JADE3: variants seen among roughly 807,000 people sequenced by gnomAD.
JADE3 encodes the protein protein Jade-3.
JADE3 carries 2 observed loss-of-function variants against 50.1 expected under a neutral mutation model. The observed-to-expected ratio is 0.04, with a 90% CI of 0.02 to 0.13. The LOEUF is 0.13. Ranked by LOEUF, JADE3 falls within the 10% of genes least tolerant of loss-of-function variation. The pLI is 1.00. For synonymous variants in JADE3, 218 were observed against 232.9 expected, an observed-to-expected ratio of 0.94 and a Z score of 0.58; for missense variants, 475 against 634.4, an observed-to-expected ratio of 0.75 and a Z score of 2.70.
intron 7 of JADE3, among the ~76,000 whole-genome samples, chrX:47,034,961 C>T (rs1423862531): frequency 9.0e-6 from 1 of 110,731 alleles, no homozygotes; most frequent in Non-Finnish European, 1.9e-5. Flanking sequence ...CACTCAACAC[C>T]TGCCAAAGAC....
intron 7 of JADE3, among the ~76,000 whole-genome samples, chrX:47,037,236 G>T (rs782211283): frequency 9.0e-6 from 1 of 111,208 alleles, no homozygotes; most frequent in Non-Finnish European, 1.9e-5. Context: ...TGGTTTTAAA[G>T]ACTTTTGTTT....
chrX:47,024,955 GT>G (rs200351831), intron 5 of JADE3, 41 bp downstream of exon 5: 1,644 of 705,113 alleles, frequency 2.3e-3, no homozygotes, highest in South Asian at 3.2e-3. Flanking sequence ...CTTAATTCAT[GT>G]TTTTTTTTTA....
intron 1 of JADE3, among the ~76,000 whole-genome samples, chrX:46,952,871 G>T (rs1927037091): frequency 9.0e-6 from 1 of 110,776 alleles, no homozygotes; most frequent in South Asian, 3.9e-4. Context: ...GGTGGTGTGT[G>T]CCTGTAATCC....
At chrX:46,980,128 C>T (rs1293325862) in intron 1 of JADE3, among the ~76,000 whole-genome samples, 1 of 109,992 alleles carries the variant, frequency 9.1e-6, no homozygotes, top group African/African-American at 3.3e-5. Flanking sequence ...GATCCGTCCG[C>T]CTTAGCCTCC....
At chrX:46,954,847 A>G (rs1438034841) in intron 1 of JADE3, among the ~76,000 whole-genome samples, 8 of 111,865 alleles carry the variant, frequency 7.2e-5, no homozygotes, top group Non-Finnish European at 1.3e-4. Context: ...GAGCCACCGC[A>G]CCCAGCCAGA....
At chrX:47,034,426 A>G (rs1260658768) in intron 7 of JADE3, among the ~76,000 whole-genome samples, 4 of 110,873 alleles carry the variant, frequency 3.6e-5, no homozygotes, top group Non-Finnish European at 7.6e-5. Context: ...GTTGTGGTGT[A>G]TATCAATAGT....
At chrX:46,935,070 A>G (rs370233397) in intron 1 of JADE3, among the ~76,000 whole-genome samples, 4 of 110,756 alleles carry the variant, frequency 3.6e-5, no homozygotes, top group East Asian at 5.7e-4. Flanking sequence ...AGTAGCTGGT[A>G]TTATAGGTGC....
intron 8 of JADE3, among the ~76,000 whole-genome samples, chrX:47,039,910 T>C (rs145193949): frequency 7.1e-4 from 79 of 111,796 alleles, no homozygotes; most frequent in African/African-American, 2.4e-3. Flanking sequence ...AACCCTCAAG[T>C]AGGCCCCAAT....
At chrX:46,942,959 TC>T (rs1926797124) in intron 1 of JADE3, among the ~76,000 whole-genome samples, 1 of 111,943 alleles carries the variant, frequency 8.9e-6, no homozygotes, top group Admixed American at 9.5e-5. Flanking sequence ...TTTTTGTGTG[TC>T]TGGCTATTGT....
intron 1 of JADE3, among the ~76,000 whole-genome samples, chrX:46,950,455 A>G (rs1474904365): frequency 1.8e-5 from 2 of 112,511 alleles, no homozygotes; most frequent in East Asian, 2.8e-4. Flanking sequence ...GTGGTGGTAC[A>G]ACATATCAAT....
At chrX:47,000,641 C>T (rs1928259667) in intron 4 of JADE3, among the ~76,000 whole-genome samples, 1 of 111,523 alleles carries the variant, frequency 9.0e-6, no homozygotes, top group East Asian at 2.8e-4. Context: ...CAACCTCCGC[C>T]TCCTGAGTTC....
chrX:46,960,509 A>G lies in JADE3; in HGVS notation c.-11-24375A>G, dbSNP rs145588760. 4.5e-3 allele frequency among the ~76,000 whole-genome samples: 501 copies of G among 112,161 alleles called. 1 individual carries two copies. Among genetic ancestry groups the G allele is most frequent in the African/African-American group, 0.015 (467 of 30,895 alleles). The stretch of plus-strand genomic sequence containing the variant: ...GTCACCAATAAAAACCCTGGGGCAG[A>G]GTCTCTAGTGGGCTTCCCTAGTAGA... On this transcript the variant is annotated intron_variant, in intron 1 of 10. Coordinates refer to ENST00000614628, the MANE Select transcript of JADE3 (RefSeq NM_014735.5).
chrX:46,998,400 C>A, intron 4 of JADE3, 123 bp downstream of exon 4: 1 of 587,339 alleles, frequency 1.7e-6, no homozygotes, highest in Non-Finnish European at 2.7e-6. Flanking sequence ...CCATTTTCAC[C>A]AATTCACTCA....
chrX:47,053,805 G>A (rs1484495888), intron 8 of JADE3, among the ~76,000 whole-genome samples: 2 of 112,134 alleles, frequency 1.8e-5, no homozygotes, highest in Non-Finnish European at 3.8e-5. Context: ...TATAGGTACA[G>A]TGTGAAAAGT....
Position 47,004,214 on chromosome X carries a change from G to A in JADE3, c.284+5937G>A, listed in dbSNP as rs112753053. ...GTGCTGGGATTACAGGCAGGAGCCA[G>A]TGCACCCAACCTCTCATGATATTTA... On this transcript the variant is annotated intron_variant, in intron 4 of 10. Transcript: ENST00000614628. 9.8e-3 allele frequency among the ~76,000 whole-genome samples: 1,091 copies of A among 111,229 alleles called. 14 individuals carry two copies. Among genetic ancestry groups the A allele is most frequent in the African/African-American group, 0.034 (1,041 of 30,674 alleles).
chrX:46,942,053 C>A (rs973543194), intron 1 of JADE3, among the ~76,000 whole-genome samples: 1 of 110,742 alleles, frequency 9.0e-6, no homozygotes, highest in Non-Finnish European at 1.9e-5. Context: ...TTTTGTCCAC[C>A]TTTTAATGGG....
rs782209034 is a variant in JADE3, at chrX:46,957,093, G to A, written c.-11-27791G>A. 5.4e-5 allele frequency among the ~76,000 whole-genome samples: 6 copies of A among 111,450 alleles called. No individual in the cohort carries two copies. In the East Asian group the frequency reaches 1.4e-3, roughly 26 times the overall value. Reference sequence around the variant, plus strand: ...ACCTGCCTCAGCCTCCCAAAGTGCCGGGATTATAGGCATGAGCCACCATTT... The same window carrying A: ...ACCTGCCTCAGCCTCCCAAAGTGCCAGGATTATAGGCATGAGCCACCATTT... On this transcript the variant is annotated intron_variant, in intron 1 of 10. Transcript: ENST00000614628.
intron 3 of JADE3, among the ~76,000 whole-genome samples, chrX:46,997,034 T>C (rs1259447214): frequency 2.7e-5 from 3 of 112,129 alleles, no homozygotes; most frequent in African/African-American, 9.7e-5. Context: ...AGCATGATCT[T>C]GTAATCAATT....
chrX:46,966,245 A>C (rs1465852698), intron 1 of JADE3, among the ~76,000 whole-genome samples: 1 of 112,276 alleles, frequency 8.9e-6, no homozygotes, highest in Admixed American at 9.5e-5. Flanking sequence ...AAAACAGAAC[A>C]TAGTTTCCTC....
Sources: gnomAD v4.1 joint callset for allele counts (sites outside exome capture counted in the v4.1 genomes callset) on GRCh38, gnomAD v4.1.1 for gene constraint, MANE v1.5 for transcripts, NCBI Gene and HGNC (gene_info 2026-07-23, HGNC 2026-07-21) for gene names.